The following CFAP61 variants were observed in gnomAD, a reference collection of about 807,000 sequenced individuals.
CFAP61 encodes the protein cilia- and flagella-associated protein 61.
CFAP61 carries 107 observed loss-of-function variants against 135.6 expected under a neutral mutation model. The observed-to-expected ratio is 0.79, with a 90% CI of 0.67 to 0.93. CFAP61 has a LOEUF of 0.93. Ranked by LOEUF, CFAP61 falls within the 40% of genes least tolerant of loss-of-function variation. The pLI is 0.00. For missense variants in CFAP61, 1,507 were observed against 1,556.2 expected, an observed-to-expected ratio of 0.97 and a Z score of 0.53; for synonymous variants, 575 against 578.5, an observed-to-expected ratio of 0.99 and a Z score of 0.09.
intron 9 of CFAP61, among the ~76,000 whole-genome samples, chr20:20,148,491 GT>G (rs986691803): frequency 6.6e-6 from 1 of 151,518 alleles, no homozygotes; most frequent in Non-Finnish European, 1.5e-5. Context: ...TATTCCTAGG[GT>G]TTTTTTGTTT....
At chr20:20,328,078 A>G (rs2057834786) in intron 25 of CFAP61, among the ~76,000 whole-genome samples, 1 of 152,218 alleles carries the variant, frequency 6.6e-6, no homozygotes, top group East Asian at 1.9e-4. Flanking sequence ...TCGCTTTGAT[A>G]AGTAACTAAG....
rs146150924 is a variant in CFAP61, at chr20:20,261,418, T to G, written c.2329-1538T>G. 3.0e-4 allele frequency among the ~76,000 whole-genome samples: 46 copies of G among 152,284 alleles called. No homozygotes were observed. In the East Asian group the frequency reaches 8.5e-3, roughly 28 times the overall value. ...ATTGCCTGTCATAACTCTAGGAGTA[T>G]TCTTGCCTCACAGCCCTGAGGTCTT... On this transcript the variant is annotated intron_variant, in intron 20 of 26. Transcript: ENST00000245957.
chr20:20,236,727 C>G (rs1244730356), intron 18 of CFAP61, among the ~76,000 whole-genome samples: 1 of 152,178 alleles, frequency 6.6e-6, no homozygotes, highest in Non-Finnish European at 1.5e-5. Context: ...ACACAAAGCT[C>G]TTCTTCATCC....
intron 25 of CFAP61, among the ~76,000 whole-genome samples, chr20:20,325,442 C>T (rs2057707968): frequency 6.6e-6 from 1 of 152,208 alleles, no homozygotes; most frequent in South Asian, 2.1e-4. Context: ...TTATTACTGT[C>T]TCCGTAGTTT....
chr20:20,134,326 A>G (rs1208496191), intron 8 of CFAP61, among the ~76,000 whole-genome samples: 1 of 152,152 alleles, frequency 6.6e-6, no homozygotes, highest in Admixed American at 6.5e-5. Flanking sequence ...GATATTCAAG[A>G]CCATGGCTTA....
chr20:20,096,040 C>T (rs1360723897), intron 7 of CFAP61, among the ~76,000 whole-genome samples: 15 of 152,080 alleles, frequency 9.9e-5, no homozygotes. Context: ...TTTTGTTCTC[C>T]AGTATAAGAT....
chr20:20,108,522 G>A (rs2048566659), intron 8 of CFAP61, among the ~76,000 whole-genome samples: 1 of 147,886 alleles, frequency 6.8e-6, no homozygotes, highest in Non-Finnish European at 1.5e-5. Context: ...ATAATCTCAG[G>A]TGAAAAAAAA....
intron 25 of CFAP61, among the ~76,000 whole-genome samples, chr20:20,323,809 C>A (rs2057640627): frequency 6.6e-6 from 1 of 152,004 alleles, no homozygotes; most frequent in African/African-American, 2.4e-5. Context: ...TGGTGTGTGT[C>A]CTTTCATATT....
chr20:20,218,768 T>C (rs925310589), intron 17 of CFAP61, among the ~76,000 whole-genome samples: 3 of 152,210 alleles, frequency 2.0e-5, no homozygotes, highest in African/African-American at 7.2e-5. Flanking sequence ...GGTAGATCCT[T>C]GATATGTATC....
chr20:20,347,191 G>A (rs1602127191), intron 26 of CFAP61, among the ~76,000 whole-genome samples: 1 of 152,300 alleles, frequency 6.6e-6, no homozygotes, highest in Non-Finnish European at 1.5e-5. Flanking sequence ...TATTAGAAAT[G>A]CTAATAGATG....
intron 13 of CFAP61, among the ~76,000 whole-genome samples, chr20:20,178,315 C>T (rs138195304): frequency 2.0e-5 from 3 of 152,282 alleles, no homozygotes; most frequent in East Asian, 3.9e-4. Flanking sequence ...ATATATTAAC[C>T]TCTAAGACAC....
chr20:20,213,392 TATTTCTCAAAACGGGAGGGG>T (rs1393254600), intron 17 of CFAP61, among the ~76,000 whole-genome samples: 2 of 152,146 alleles, frequency 1.3e-5, no homozygotes, highest in Non-Finnish European at 2.9e-5. Context: ...CCACCGTTGC[TATTTCTCAAAACGGGAGGGG>T]AAAAGCAAGC....
intron 8 of CFAP61, among the ~76,000 whole-genome samples, chr20:20,104,203 G>A (rs928369259): frequency 1.3e-5 from 2 of 151,488 alleles, no homozygotes; most frequent in Admixed American, 1.3e-4. Context: ...CTTCAAAATA[G>A]AATTTTTGTA....
chr20:20,116,284 T>A (rs1282372611), intron 8 of CFAP61, among the ~76,000 whole-genome samples: 3 of 152,168 alleles, frequency 2.0e-5, no homozygotes, highest in Non-Finnish European at 4.4e-5. Context: ...TTTAATGAGT[T>A]TTTTTGCTAT....
At chr20:20,132,242 A>G (rs1047810679) in intron 8 of CFAP61, among the ~76,000 whole-genome samples, 4 of 152,084 alleles carry the variant, frequency 2.6e-5, no homozygotes, top group Non-Finnish European at 5.9e-5. Flanking sequence ...ATTGTTATAT[A>G]TTGCAGATTT....
chr20:20,072,178 G>C (rs912868815), intron 3 of CFAP61, among the ~76,000 whole-genome samples: 5 of 122,924 alleles, frequency 4.1e-5, no homozygotes, highest in African/African-American at 1.2e-4. Flanking sequence ...ACAGTGGCAC[G>C]ATCTCGGCTT....
chr20:20,217,181 T>C (rs2048095419), intron 17 of CFAP61, among the ~76,000 whole-genome samples: 1 of 152,256 alleles, frequency 6.6e-6, no homozygotes, highest in African/African-American at 2.4e-5. Context: ...ACAATCATTG[T>C]GCATTGCTTT....
At chr20:20,206,738 G>A (rs1244671792) in intron 17 of CFAP61, among the ~76,000 whole-genome samples, 1 of 151,434 alleles carries the variant, frequency 6.6e-6, no homozygotes, top group Non-Finnish European at 1.5e-5. Context: ...CAGGTTTTTG[G>A]GTATATATAT....
At chr20:20,200,873 C>T (rs1039243849) in intron 17 of CFAP61, 2 of 985,298 alleles carry the variant, frequency 2.0e-6, no homozygotes, top group African/African-American at 1.7e-5. Context: ...ATCAGACCAA[C>T]TCAGAGGCAG....
Sources: gnomAD v4.1 joint callset for allele counts (sites outside exome capture counted in the v4.1 genomes callset) on GRCh38, gnomAD v4.1.1 for gene constraint, MANE v1.5 for transcripts, NCBI Gene and HGNC (gene_info 2026-07-23, HGNC 2026-07-21) for gene names.